REDIC1: variants seen among roughly 807,000 people sequenced by gnomAD.
REDIC1 encodes the protein regulator of DNA class I crossover intermediates 1.
chr12:39,781,045 A>G, the REDIC1 span, among the ~76,000 whole-genome samples: 1 of 152,234 alleles, frequency 6.6e-6, no homozygotes, highest in South Asian at 2.1e-4. Flanking sequence ...TTACTGCTAA[A>G]GTGAAAACAT....
At chr12:39,734,282 T>C in the REDIC1 span, among the ~76,000 whole-genome samples, 1 of 152,154 alleles carries the variant, frequency 6.6e-6, no homozygotes, top group Non-Finnish European at 1.5e-5. Flanking sequence ...GTACCTCAGA[T>C]GGAAATGCAG....
chr12:39,733,107 A>G, the REDIC1 span, among the ~76,000 whole-genome samples: 2 of 151,058 alleles, frequency 1.3e-5, no homozygotes, highest in Admixed American at 1.3e-4. Context: ...TTATTTAAAG[A>G]TAAAACAGTT....
the REDIC1 span, among the ~76,000 whole-genome samples, chr12:39,713,436 A>T: frequency 7.7e-5 from 1 of 12,948 alleles, no homozygotes; most frequent in East Asian, 9.8e-4. Context: ...ATATATGTGT[A>T]CATATACATA....
chr12:39,686,952 G>A, the REDIC1 span, among the ~76,000 whole-genome samples: 1 of 152,104 alleles, frequency 6.6e-6, no homozygotes, highest in African/African-American at 2.4e-5. Context: ...CTAGGGCAGG[G>A]GCACAGTGCT....
At chr12:39,761,195 A>T in the REDIC1 span, among the ~76,000 whole-genome samples, 1 of 152,010 alleles carries the variant, frequency 6.6e-6, no homozygotes, top group African/African-American at 2.4e-5. Context: ...TGGCCATGTG[A>T]CTTCTGGATA....
the REDIC1 span, among the ~76,000 whole-genome samples, chr12:39,748,767 A>T: frequency 5.9e-5 from 9 of 152,174 alleles, no homozygotes; most frequent in Non-Finnish European, 1.0e-4. Context: ...TAAGAAACTC[A>T]CTCAAAACCA....
chr12:39,776,108 C>T, the REDIC1 span, among the ~76,000 whole-genome samples: 1 of 152,108 alleles, frequency 6.6e-6, no homozygotes, highest in South Asian at 2.1e-4. Context: ...TATTGCTGTT[C>T]CCCCCTACAA....
At chr12:39,846,539 C>T in the REDIC1 span, among the ~76,000 whole-genome samples, 1 of 152,156 alleles carries the variant, frequency 6.6e-6, no homozygotes, top group African/African-American at 2.4e-5. Context: ...TCAACTTCTG[C>T]CTTCCAGGCT....
the REDIC1 span, among the ~76,000 whole-genome samples, chr12:39,715,051 A>T: frequency 2.0e-5 from 3 of 152,108 alleles, no homozygotes; most frequent in South Asian, 2.1e-4. Context: ...TTTGCCGTGC[A>T]AAAGCTCTTT....
the REDIC1 span, among the ~76,000 whole-genome samples, chr12:39,750,007 C>G: frequency 1.2e-4 from 19 of 152,274 alleles, no homozygotes; most frequent in African/African-American, 4.6e-4. Context: ...AAACCTGGCA[C>G]AAGACAGGGA....
the REDIC1 span, among the ~76,000 whole-genome samples, chr12:39,752,537 T>C: frequency 1.3e-3 from 200 of 152,206 alleles, no homozygotes; most frequent in African/African-American, 4.6e-3. Context: ...AGAAAAGTAA[T>C]AGTCTTCAAA....
chr12:39,813,135 G>A, the REDIC1 span, among the ~76,000 whole-genome samples: 1 of 147,700 alleles, frequency 6.8e-6, no homozygotes, highest in Non-Finnish European at 1.5e-5. Flanking sequence ...GTGACCCACT[G>A]TGCCCAGCCT....
At chr12:39,792,605 G>T in the REDIC1 span, among the ~76,000 whole-genome samples, 1 of 152,096 alleles carries the variant, frequency 6.6e-6, no homozygotes, top group African/African-American at 2.4e-5. Flanking sequence ...GTATCCATCA[G>T]GGAACTAGTT....
the REDIC1 span, among the ~76,000 whole-genome samples, chr12:39,747,917 C>T: frequency 6.6e-6 from 1 of 152,158 alleles, no homozygotes; most frequent in African/African-American, 2.4e-5. Flanking sequence ...TAAAAGAGCT[C>T]CTGAAGGAAG....
the REDIC1 span, among the ~76,000 whole-genome samples, chr12:39,629,275 T>C: frequency 6.6e-6 from 1 of 152,158 alleles, no homozygotes; most frequent in African/African-American, 2.4e-5. Flanking sequence ...AAATGTTAGT[T>C]TGCGATACTA....
At chr12:39,663,871 C>A in the REDIC1 span, among the ~76,000 whole-genome samples, 1 of 151,730 alleles carries the variant, frequency 6.6e-6, no homozygotes. Flanking sequence ...CTTTCTTTTT[C>A]TTTTCTTTTC....
chr12:39,904,448 A>G, the REDIC1 span, among the ~76,000 whole-genome samples: 4 of 152,254 alleles, frequency 2.6e-5, no homozygotes, highest in African/African-American at 9.6e-5. Context: ...TTCTAAGGAC[A>G]GTAGTCCCAG....
At chr12:39,885,696 A>G in the REDIC1 span, among the ~76,000 whole-genome samples, 2 of 152,198 alleles carry the variant, frequency 1.3e-5, no homozygotes, top group Non-Finnish European at 2.9e-5. Context: ...CTCGTGAATC[A>G]TGGAATAAAA....
the REDIC1 span, among the ~76,000 whole-genome samples, chr12:39,698,985 A>T: frequency 6.6e-6 from 1 of 152,228 alleles, no homozygotes; most frequent in African/African-American, 2.4e-5. Context: ...ATAAATAATA[A>T]GGACTAGAGC....
Sources: allele counts gnomAD v4.1 joint callset (sites outside exome capture counted in the v4.1 genomes callset), GRCh38; gene constraint gnomAD v4.1.1; transcripts MANE v1.5; gene names NCBI Gene and HGNC (gene_info 2026-07-23, HGNC 2026-07-21).